TTC1: variants seen among roughly 807,000 people sequenced by gnomAD.
The protein encoded by TTC1 is tetratricopeptide repeat domain 1, also known as tetratricopeptide repeat protein 1.
A neutral mutation model predicts 37.6 loss-of-function variants in TTC1; 31 were observed. The observed-to-expected ratio is 0.82, with a 90% confidence interval of 0.62 to 1.11. The LOEUF (loss-of-function observed/expected upper bound fraction) is 1.11, where lower values mean the gene tolerates loss of function less well. TTC1 is among the 50% of genes most tolerant of loss of function. The probability of loss-of-function intolerance (pLI) is 0.00; values close to 1 mark genes in which losing one functional copy is unlikely to be tolerated. For synonymous variants in TTC1, 127 were observed against 122.4 expected (o/e 1.04, Z -0.25); for missense variants, 351 against 339.0 (o/e 1.04, Z -0.28).
intron 7 of TTC1, among the ~76,000 whole-genome samples, chr5:160,061,456 C>T (rs1222282273): frequency 2.0e-5 from 3 of 152,222 alleles, no homozygotes; most frequent in Admixed American, 2.0e-4. Context: ...TAGACCATGT[C>T]ATGTATCTTT....
intron 5 of TTC1, among the ~76,000 whole-genome samples, chr5:160,045,454 CCACACACACACACACACA>C (rs57919333): frequency 2.1e-3 from 82 of 38,902 alleles, no homozygotes; most frequent in South Asian, 5.0e-3. Context: ...CCCCCACCCT[CCACACACACACACACACA>C]CACACACACA....
intron 5 of TTC1, among the ~76,000 whole-genome samples, chr5:160,045,311 C>T (rs780795079): frequency 1.3e-5 from 2 of 152,050 alleles, no homozygotes; most frequent in African/African-American, 2.4e-5. Context: ...AAGTGTTTTC[C>T]GCATTTGTTT....
intron 4 of TTC1, chr5:160,039,252 A>G (rs986899167): frequency 2.2e-4 from 34 of 151,710 alleles, no homozygotes; most frequent in African/African-American, 7.7e-4. Context: ...TAGCTATACA[A>G]GAGCAGAGCC....
chr5:160,045,520 A>ACACACACTCTCTCTCT, intron 5 of TTC1, among the ~76,000 whole-genome samples: 1 of 54,884 alleles, frequency 1.8e-5, no homozygotes, highest in Non-Finnish European at 3.3e-5. Flanking sequence ...ACACATACAC[A>ACACACACTCTCTCTCT]CTCTCTCTCT....
chr5:160,009,501 A>G (rs191825884), intron 1 of TTC1, among the ~76,000 whole-genome samples: 6 of 152,330 alleles, frequency 3.9e-5, no homozygotes, highest in Non-Finnish European at 7.3e-5. Flanking sequence ...AATCTGTCGC[A>G]AATTTTTGCA....
chr5:160,011,407 A>G (rs1461351389), intron 2 of TTC1, among the ~76,000 whole-genome samples: 1 of 152,320 alleles, frequency 6.6e-6, no homozygotes, highest in South Asian at 2.1e-4. Flanking sequence ...CTGACTTAAA[A>G]TGTTACTTGT....
At chr5:160,063,756 A>G (rs1012916624) in intron 7 of TTC1, 1 of 152,162 alleles carries the variant, frequency 6.6e-6, no homozygotes, top group African/African-American at 2.4e-5. Flanking sequence ...GAACATTCCT[A>G]GTTTCAGATG....
intron 4 of TTC1, among the ~76,000 whole-genome samples, chr5:160,040,078 A>G (rs1054004779): frequency 6.6e-6 from 1 of 152,292 alleles, no homozygotes; most frequent in East Asian, 1.9e-4. Context: ...CACCTAAGCT[A>G]TATGGTATAA....
chr5:160,051,747 T>C (rs886658252), intron 7 of TTC1, among the ~76,000 whole-genome samples: 1 of 152,130 alleles, frequency 6.6e-6, no homozygotes, highest in South Asian at 2.1e-4. Context: ...CATTTTAGAG[T>C]TGGAACCTCC....
chr5:160,012,615 C>T (rs1010608243), intron 2 of TTC1, among the ~76,000 whole-genome samples: 2 of 152,160 alleles, frequency 1.3e-5, no homozygotes, highest in South Asian at 2.1e-4. Context: ...GCAGTCCTCC[C>T]ACTTTGGCCT....
At chr5:160,027,707 T>C (rs947645955) in intron 2 of TTC1, among the ~76,000 whole-genome samples, 13 of 152,246 alleles carry the variant, frequency 8.5e-5, no homozygotes, top group Non-Finnish European at 1.5e-4. Context: ...TTATTTTTCC[T>C]TCATCTTGAG....
chr5:160,023,573 A>T (rs575085360), intron 2 of TTC1, among the ~76,000 whole-genome samples: 1 of 152,184 alleles, frequency 6.6e-6, no homozygotes, highest in South Asian at 2.1e-4. Flanking sequence ...GAGACATGTA[A>T]CTCTGCTTAC....
At chr5:160,011,549 A>C (rs1756502613) in intron 2 of TTC1, among the ~76,000 whole-genome samples, 1 of 152,256 alleles carries the variant, frequency 6.6e-6, no homozygotes. Flanking sequence ...TCTCAAATCA[A>C]ATCTGTTGGA....
chr5:160,025,918 T>G (rs1756795230), intron 2 of TTC1, among the ~76,000 whole-genome samples: 2 of 152,204 alleles, frequency 1.3e-5, no homozygotes, highest in Admixed American at 6.5e-5. Context: ...AAATGTTAGA[T>G]CTGTCCTAGC....
intron 1 of TTC1, among the ~76,000 whole-genome samples, 174 bp downstream of exon 1, chr5:160,009,367 G>A (rs1175543787): frequency 1.3e-5 from 2 of 152,206 alleles, no homozygotes; most frequent in Non-Finnish European, 2.9e-5. Context: ...CGAAGTCTCC[G>A]TATTAAGATC....
intron 2 of TTC1, among the ~76,000 whole-genome samples, chr5:160,027,103 A>G (rs1756820116): frequency 6.6e-6 from 1 of 151,196 alleles, no homozygotes; most frequent in African/African-American, 2.4e-5. Context: ...ATCATGGATC[A>G]CTGCGGCCTC....
intron 2 of TTC1, among the ~76,000 whole-genome samples, chr5:160,022,198 G>T (rs899618020): frequency 3.9e-5 from 6 of 151,946 alleles, no homozygotes; most frequent in African/African-American, 7.3e-5. Context: ...TGATAGATGG[G>T]GTATACACTT....
intron 2 of TTC1, among the ~76,000 whole-genome samples, chr5:160,025,159 C>T (rs1756779654): frequency 6.6e-6 from 1 of 152,216 alleles, no homozygotes; most frequent in African/African-American, 2.4e-5. Context: ...TCCCAAGTAG[C>T]TGGGATTACA....
intron 2 of TTC1, among the ~76,000 whole-genome samples, chr5:160,021,158 G>A (rs543413110): frequency 6.6e-6 from 1 of 152,280 alleles, no homozygotes; most frequent in Admixed American, 6.5e-5. Flanking sequence ...ACCATGCACA[G>A]CCTGAGAAGT....
Sources: allele counts gnomAD v4.1 joint callset (sites outside exome capture counted in the v4.1 genomes callset), GRCh38; gene constraint gnomAD v4.1.1; transcripts MANE v1.5; gene names NCBI Gene and HGNC (gene_info 2026-07-23, HGNC 2026-07-21).